The following ZNF571 variants were observed in gnomAD, a reference collection of about 807,000 sequenced individuals.
ZNF571 encodes the protein zinc finger protein 571.
In ZNF571, 4 loss-of-function variants were observed where a neutral mutation model predicts 7.7. The observed-to-expected ratio is 0.52, with a 90% CI of 0.25 to 1.18. The LOEUF is 1.18. ZNF571 is among the 50% of genes most tolerant of loss of function. ZNF571 has a pLI of 0.14. For missense variants in ZNF571, 704 were observed against 726.9 expected, an observed-to-expected ratio of 0.97 and a Z score of 0.36; for synonymous variants, 251 against 232.4, an observed-to-expected ratio of 1.08 and a Z score of -0.73.
chr19:37,573,740 T>TG (rs1005523251), intron 3 of ZNF571, among the ~76,000 whole-genome samples: 10 of 147,662 alleles, frequency 6.8e-5, no homozygotes, highest in Non-Finnish European at 1.3e-4. Flanking sequence ...GATGCTAAGG[T>TG]GGGAGGATCA....
chr19:37,585,516 C>CTGAGACTGCACATTTCACAAGAATGT (rs1280530220), intron 2 of ZNF571: 3 of 152,226 alleles, frequency 2.0e-5, no homozygotes. Context: ...AAGCAATGAC[C>CTGAGACTGCACATTTCACAAGAATGT]TGAGACTGCA....
chr19:37,590,920 G>A (rs967261882), intron 1 of ZNF571, among the ~76,000 whole-genome samples: 2 of 151,906 alleles, frequency 1.3e-5, no homozygotes, highest in Non-Finnish European at 2.9e-5. Context: ...GACAGTTACT[G>A]TTGTTTTCAA....
At chr19:37,587,064 A>G in intron 1 of ZNF571, 1 of 194,918 alleles carries the variant, frequency 5.1e-6, no homozygotes, top group Non-Finnish European at 1.0e-5. Context: ...AATCTTAGGA[A>G]GGGGCTTCAG....
rs770322825 is a variant in ZNF571 at position 37,565,019 on chromosome 19, C to T, written c.1409G>A (p.Gly470Asp). 6 of 1,613,716 alleles carry T rather than the reference C, an allele frequency of 3.7e-6. No individual in the cohort carries two copies. The highest frequency in any genetic ancestry group is 4.2e-6 in the Non-Finnish European group (5 of 1,179,726). Residue 470 changes from glycine (G) to aspartate (D), a missense_variant, in exon 4 of 4, where the codon GGT becomes GAT. Coordinates refer to ENST00000451802, the MANE Select transcript of ZNF571 (RefSeq NM_016536.5). ...TTCCTTACATTCATAATGTTTCTCA[C>T]CATGAATTTTCTCATGTTGAGTAAG... ...AYLTQHEKIH[G>D]EKHYECKECG...
intron 3 of ZNF571, among the ~76,000 whole-genome samples, chr19:37,571,801 C>CT (rs1415906952): frequency 6.6e-6 from 1 of 152,216 alleles, no homozygotes; most frequent in Non-Finnish European, 1.5e-5. Flanking sequence ...GCTAGCCTAA[C>CT]TGACCTAGCC....
chr19:37,566,785 C>A (rs527509269), intron 3 of ZNF571, among the ~76,000 whole-genome samples: 22 of 152,254 alleles, frequency 1.4e-4, no homozygotes, highest in Non-Finnish European at 2.5e-4. Context: ...CAGAGGAATT[C>A]TTTTAAAATG....
intron 3 of ZNF571, among the ~76,000 whole-genome samples, chr19:37,571,729 C>A (rs528396292): frequency 6.6e-6 from 1 of 152,276 alleles, no homozygotes; most frequent in South Asian, 2.1e-4. Context: ...TGAGGAGCAT[C>A]TGTACTACTA....
intron 2 of ZNF571, chr19:37,585,990 A>G (rs1370873257): frequency 6.6e-6 from 1 of 152,256 alleles, no homozygotes; most frequent in East Asian, 1.9e-4. Context: ...GGACAAGGAA[A>G]CAGATTCTCC....
intron 2 of ZNF571, chr19:37,586,393 G>A (rs1372640720): frequency 8.4e-6 from 4 of 478,742 alleles, no homozygotes; most frequent in African/African-American, 7.9e-5. Context: ...AATCTTAAAA[G>A]GAGGTATTTC....
chr19:37,586,587 A>G lies in ZNF571; in HGVS notation c.9+81T>C, dbSNP rs148293810. 2.5e-4 allele frequency: 387 copies of G among 1,553,976 alleles called. 1 individual carries two copies. In the African/African-American group the frequency reaches 4.8e-3, roughly 19 times the overall value. The stretch of plus-strand genomic sequence containing the variant: ...GTTCCCTTAAGGAACCAAACAAGGC[A>G]GGAAATTCTGGGATAAATCTGGTGT... On this transcript the variant is annotated intron_variant, in intron 2 of 3. Coordinates refer to ENST00000451802, the MANE Select transcript of ZNF571 (RefSeq NM_016536.5).
At chr19:37,585,509 C>T (rs1447546576) in intron 2 of ZNF571, 1 of 152,168 alleles carries the variant, frequency 6.6e-6, no homozygotes, top group African/African-American at 2.4e-5. Context: ...ACCAACAAAG[C>T]AATGACCTGA....
At chr19:37,574,044 T>C (rs1385501448) in intron 3 of ZNF571, among the ~76,000 whole-genome samples, 1 of 152,190 alleles carries the variant, frequency 6.6e-6, no homozygotes, top group Non-Finnish European at 1.5e-5. Context: ...CATGTATTCC[T>C]GAAACATATA....
At chr19:37,567,617 G>C (rs1044048068) in intron 3 of ZNF571, 5 of 152,144 alleles carry the variant, frequency 3.3e-5, no homozygotes, top group Non-Finnish European at 7.3e-5. Flanking sequence ...TCCCATTTTA[G>C]ATTTTCCATA....
At chr19:37,592,317 C>T (rs1415468854) in intron 1 of ZNF571, among the ~76,000 whole-genome samples, 1 of 152,184 alleles carries the variant, frequency 6.6e-6, no homozygotes, top group Admixed American at 6.5e-5. Flanking sequence ...GTCAGTGCTT[C>T]TCAATCCTTC....
At chr19:37,571,671 C>T (rs996243053) in intron 3 of ZNF571, among the ~76,000 whole-genome samples, 8 of 152,166 alleles carry the variant, frequency 5.3e-5, no homozygotes, top group Non-Finnish European at 1.0e-4. Flanking sequence ...TTACACAGAA[C>T]TACTTACAAT....
chr19:37,584,128 C>G, intron 2 of ZNF571, 31 bp from the exon 3 acceptor site: 2 of 1,613,142 alleles, frequency 1.2e-6, no homozygotes, highest in Non-Finnish European at 1.7e-6. Flanking sequence ...CAGGATGATT[C>G]TACAGGAATG....
At chr19:37,573,832 C>CA (rs753161725) in intron 3 of ZNF571, among the ~76,000 whole-genome samples, 3,573 of 117,698 alleles carry the variant, frequency 0.03, 151 homozygotes, top group African/African-American at 0.1. Flanking sequence ...GATCCTGTTT[C>CA]AAAAAAAAAA....
At chr19:37,582,102 T>C (rs755423600) in intron 3 of ZNF571, among the ~76,000 whole-genome samples, 1 of 152,226 alleles carries the variant, frequency 6.6e-6, no homozygotes, top group Non-Finnish European at 1.5e-5. Context: ...ATTTGTAACT[T>C]TGAGGGTTCC....
rs1019883285 is a variant in ZNF571 at position 37,565,989 on chromosome 19, C to G, written c.439G>C (p.Gly147Arg). ...ATAAGGCATGACAGGTAGCTGAAACCTTGTCTGCATTCCTTACATTTGTAC... is the reference window on the plus strand; with the variant it reads ...ATAAGGCATGACAGGTAGCTGAAACGTTGTCTGCATTCCTTACATTTGTAC... ...KLYKCKECRQ[G>R]FSYLSCLIQH... Residue 147 changes from glycine (G) to arginine (R), a missense_variant, in exon 4 of 4, where the codon GGT becomes CGT. By Grantham distance (125) the Gly-to-Arg change is moderately radical. Coordinates refer to ENST00000451802, the MANE Select transcript of ZNF571 (RefSeq NM_016536.5). 3.9e-5 allele frequency: 63 copies of G among 1,613,870 alleles called. No homozygotes were observed. The highest frequency in any genetic ancestry group is 5.2e-5 in the Non-Finnish European group (61 of 1,179,820).
Sources: gnomAD v4.1 joint callset for allele counts (sites outside exome capture counted in the v4.1 genomes callset) on GRCh38, gnomAD v4.1.1 for gene constraint, MANE v1.5 for transcripts, NCBI Gene and HGNC (gene_info 2026-07-23, HGNC 2026-07-21) for gene names.